The following KCNH1 variants were observed in gnomAD, a reference collection of about 807,000 sequenced individuals.
KCNH1 encodes potassium voltage-gated channel subfamily H member 1.
In KCNH1, 27 loss-of-function variants were observed where a neutral mutation model predicts 69.2. The observed-to-expected ratio is 0.39, with a 90% CI of 0.29 to 0.54. The LOEUF is 0.54. Ranked by LOEUF, KCNH1 falls within the 20% of genes least tolerant of loss-of-function variation. KCNH1 has a pLI of 0.68. For missense variants in KCNH1, 798 were observed against 1,261.6 expected (o/e 0.63, Z 5.57); for synonymous variants, 456 against 487.7 (o/e 0.93, Z 0.86).
intron 7 of KCNH1, among the ~76,000 whole-genome samples, chr1:210,901,935 T>C (rs1230470838): frequency 2.0e-5 from 3 of 152,204 alleles, no homozygotes; most frequent in Admixed American, 1.3e-4. Flanking sequence ...ACTTTCAAAA[T>C]ACCTTTTCCT....
intron 5 of KCNH1, among the ~76,000 whole-genome samples, chr1:211,072,634 C>T (rs753939061): frequency 6.6e-6 from 1 of 151,942 alleles, no homozygotes; most frequent in Non-Finnish European, 1.5e-5. Context: ...TTATAAGGTA[C>T]TTAGTATAGT....
At chr1:210,714,514 A>T (rs1211689946) in intron 10 of KCNH1, among the ~76,000 whole-genome samples, 1 of 152,172 alleles carries the variant, frequency 6.6e-6, no homozygotes, top group East Asian at 1.9e-4. Flanking sequence ...GGAGGACTGA[A>T]CACAACGGTA....
chr1:210,916,646 G>C (rs1327599672), intron 7 of KCNH1, among the ~76,000 whole-genome samples: 1 of 152,124 alleles, frequency 6.6e-6, no homozygotes, highest in Non-Finnish European at 1.5e-5. Context: ...GTTAACTTCT[G>C]TGAGCCTCCA....
At chr1:210,690,172 C>A (rs1681498215) in intron 10 of KCNH1, among the ~76,000 whole-genome samples, 1 of 152,182 alleles carries the variant, frequency 6.6e-6, no homozygotes, top group Non-Finnish European at 1.5e-5. Context: ...GGCCCTGCAA[C>A]CACCTTTAAC....
intron 6 of KCNH1, among the ~76,000 whole-genome samples, chr1:210,941,779 G>A (rs894849325): frequency 6.6e-6 from 1 of 152,296 alleles, no homozygotes; most frequent in South Asian, 2.1e-4. Flanking sequence ...GGGAAACAGT[G>A]CAATCCTAAC....
In KCNH1 at chr1:210,797,676, G is replaced by A. The variant is rs1175878570; in HGVS notation, c.1747C>T (p.Arg583Trp). ...RKVFKEHPAF[R>W]LASDGCLRAL... ...CGGAGGCAGCCATCACTGGCCAGCCGGAAGGCCGGGTGCTCCTTGAACACC... is the reference window on the plus strand; with the variant it reads ...CGGAGGCAGCCATCACTGGCCAGCCAGAAGGCCGGGTGCTCCTTGAACACC... The change falls in exon 9 of 11, where the codon CGG becomes TGG. Residue 583 changes from arginine (R) to tryptophan (W), a missense_variant. Arg to Trp is a moderately radical substitution (Grantham distance 101). Coordinates refer to ENST00000271751, the MANE Select transcript of KCNH1 (RefSeq NM_172362.3). 1.9e-6 allele frequency: 3 copies of A among 1,614,110 alleles called. No individual in the cohort carries two copies. Among genetic ancestry groups the A allele is most frequent in the Non-Finnish European group, 8.5e-7 (1 of 1,180,058 alleles).
chr1:210,884,721 C>A (rs567854579), intron 7 of KCNH1, among the ~76,000 whole-genome samples: 4 of 152,202 alleles, frequency 2.6e-5, no homozygotes, highest in African/African-American at 4.8e-5. Context: ...ACTCCCCTAC[C>A]AAAGCCGTGC....
intron 5 of KCNH1, among the ~76,000 whole-genome samples, chr1:211,058,523 A>G (rs1296971502): frequency 6.6e-6 from 1 of 152,212 alleles, no homozygotes; most frequent in East Asian, 1.9e-4. Context: ...AATCAACATT[A>G]AGTTGTCATC....
chr1:211,108,988 G>T (rs1183134102), intron 1 of KCNH1, among the ~76,000 whole-genome samples: 1 of 152,106 alleles, frequency 6.6e-6, no homozygotes, highest in Admixed American at 6.6e-5. Context: ...AAAGAAACAG[G>T]TAAGAAAACA....
At chr1:210,775,305 AGAGACTGTT>A in intron 10 of KCNH1, 34 bp downstream of exon 10, 1 of 1,551,700 alleles carries the variant, frequency 6.4e-7, no homozygotes, top group Non-Finnish European at 8.9e-7. Context: ...CAAAGTGTAC[AGAGACTGTT>A]CTTTGTGGAA....
chr1:210,746,229 C>T (rs547155472), intron 10 of KCNH1, among the ~76,000 whole-genome samples: 1 of 152,194 alleles, frequency 6.6e-6, no homozygotes, highest in African/African-American at 2.4e-5. Context: ...TGAGGCAAGG[C>T]CCCAGATGCA....
intron 8 of KCNH1, 143 bp downstream of exon 8, chr1:210,803,824 C>T (rs540714627): frequency 1.5e-6 from 1 of 681,070 alleles, no homozygotes. Flanking sequence ...AACAAGACCT[C>T]TGGAGGTAGG....
chr1:211,041,818 G>A (rs560219861), intron 5 of KCNH1, among the ~76,000 whole-genome samples: 4 of 152,266 alleles, frequency 2.6e-5, no homozygotes, highest in Admixed American at 2.0e-4. Context: ...GCAGTGGCAT[G>A]ATCCTGGCTC....
chr1:210,878,921 T>A (rs887718250), intron 7 of KCNH1, among the ~76,000 whole-genome samples: 1 of 151,904 alleles, frequency 6.6e-6, no homozygotes. Flanking sequence ...GGACATAAAT[T>A]ACTAATATCA....
intron 6 of KCNH1, among the ~76,000 whole-genome samples, chr1:210,954,303 A>G (rs1217669892): frequency 6.6e-6 from 1 of 152,282 alleles, no homozygotes; most frequent in East Asian, 1.9e-4. Context: ...CCAGTCTATC[A>G]TTGATGGACA....
At chr1:210,923,939 C>T (rs574020568) in intron 6 of KCNH1, among the ~76,000 whole-genome samples, 1 of 152,260 alleles carries the variant, frequency 6.6e-6, no homozygotes, top group East Asian at 1.9e-4. Flanking sequence ...TGAGGTCATA[C>T]TGGAATAGGG....
In KCNH1 at chr1:211,133,632, A is replaced by C. The variant is rs533433984; in HGVS notation, c.79+235T>G. On this transcript the variant is annotated intron_variant, in intron 1 of 10. Transcript: ENST00000271751. The surrounding 1 kb of genome is among the most constrained non-coding windows in gnomAD (Gnocchi z 5.4). ...AGATAAGACCGAGAGGGCGCTAGAA[A>C]GGCCCAAAAGGCGTCCCCAGAAGAG... Among the ~76,000 whole-genome samples the C allele has an allele frequency of 6.6e-6, 1 of 152,100 alleles. No individual in the cohort carries two copies. The highest frequency in any genetic ancestry group is 1.5e-5 in the Non-Finnish European group (1 of 68,008).
chr1:211,044,688 T>C (rs961320315), intron 5 of KCNH1, among the ~76,000 whole-genome samples: 1 of 151,760 alleles, frequency 6.6e-6, no homozygotes. Context: ...ATCAGGGAAA[T>C]GCAAATCAAA....
chr1:210,694,552 G>A (rs1412507649), intron 10 of KCNH1, among the ~76,000 whole-genome samples: 2 of 152,176 alleles, frequency 1.3e-5, no homozygotes, highest in Admixed American at 6.5e-5. Context: ...CCTAGGTGGG[G>A]AAGAAACTCT....
Sources: gnomAD v4.1 joint callset for allele counts (sites outside exome capture counted in the v4.1 genomes callset) on GRCh38, gnomAD v4.1.1 for gene constraint, Gnocchi (gnomAD v3.1) non-coding constraint, MANE v1.5 for transcripts, NCBI Gene and HGNC (gene_info 2026-07-23, HGNC 2026-07-21) for gene names.